Variants in MAD1L1 observed in about 807,000 individuals in gnomAD.
MAD1L1 encodes the protein mitotic spindle assembly checkpoint protein MAD1.
In MAD1L1, 95 loss-of-function variants were observed where a neutral mutation model predicts 96.9. That is an observed-to-expected ratio of 0.98 (90% CI 0.83 to 1.16). The LOEUF (loss-of-function observed/expected upper bound fraction) is 1.16, where lower values mean the gene tolerates loss of function less well. Ranked by LOEUF, MAD1L1 falls within the 50% of genes most tolerant of loss-of-function variation. MAD1L1 has a pLI of 0.00. For missense variants in MAD1L1, 1,007 were observed against 954.4 expected (o/e 1.06, Z -0.73); for synonymous variants, 473 against 396.6 (o/e 1.19, Z -2.29).
intron 10 of MAD1L1, among the ~76,000 whole-genome samples, chr7:2,196,296 C>A (rs1558458): frequency 6.6e-6 from 1 of 152,212 alleles, no homozygotes; most frequent in South Asian, 2.1e-4. Flanking sequence ...AGTGAAGACC[C>A]TCTTGAGAAC....
chr7:2,085,781 T>C (rs1204495838), intron 11 of MAD1L1, among the ~76,000 whole-genome samples: 4 of 152,202 alleles, frequency 2.6e-5, no homozygotes, highest in African/African-American at 4.8e-5. Flanking sequence ...CTATGAACGA[T>C]GACACGAGTG....
At chr7:1,823,979 G>C (rs571289902) in intron 18 of MAD1L1, among the ~76,000 whole-genome samples, 1 of 152,352 alleles carries the variant, frequency 6.6e-6, no homozygotes, top group African/African-American at 2.4e-5. Context: ...CTCGGGGGAA[G>C]TTATGCTGGG....
chr7:1,869,305 CCTCT>C (rs377472278), intron 18 of MAD1L1, among the ~76,000 whole-genome samples: 28 of 152,258 alleles, frequency 1.8e-4, no homozygotes, highest in African/African-American at 5.8e-4. Context: ...CTCCCAGAGG[CCTCT>C]CTGAGTTCCC....
chr7:2,165,973 G>C (rs915985278), intron 10 of MAD1L1, among the ~76,000 whole-genome samples: 5 of 152,210 alleles, frequency 3.3e-5, no homozygotes. Flanking sequence ...CTCTGCGAAA[G>C]AGGAAGTAAG....
At chr7:2,027,447 T>A in intron 12 of MAD1L1, among the ~76,000 whole-genome samples, 1 of 152,056 alleles carries the variant, frequency 6.6e-6, no homozygotes, top group East Asian at 1.9e-4. Context: ...AGATGCAAAA[T>A]CCCTAATTAA....
At chr7:2,121,928 C>T (rs958317480) in intron 11 of MAD1L1, among the ~76,000 whole-genome samples, 5 of 152,154 alleles carry the variant, frequency 3.3e-5, no homozygotes, top group African/African-American at 9.7e-5. Context: ...CCTGAGGGAC[C>T]GGCAAAGGCG....
chr7:2,096,057 G>C (rs1313993384), intron 11 of MAD1L1, among the ~76,000 whole-genome samples: 1 of 152,264 alleles, frequency 6.6e-6, no homozygotes, highest in African/African-American at 2.4e-5. Context: ...CGTAATGACA[G>C]CTCGCAGCCC....
At chr7:2,072,865 G>A (rs1785200533) in intron 11 of MAD1L1, among the ~76,000 whole-genome samples, 1 of 152,198 alleles carries the variant, frequency 6.6e-6, no homozygotes, top group Non-Finnish European at 1.5e-5. Flanking sequence ...TCCTGAGTGA[G>A]GGTGCGCTCA....
rs979443637 is a variant in MAD1L1, at chr7:2,114,140, G to A, written c.1073+35012C>T. On this transcript the variant is annotated intron_variant, in intron 11 of 18. Transcript: ENST00000265854. This position sits in a 1 kb window ranked among gnomAD's most constrained non-coding sequence, Gnocchi z 4.2. The stretch of plus-strand genomic sequence containing the variant: ...CGGGAAAGCTGGCGGAGGGTGCGTC[G>A]AAACATTCTCCACGACTTCTGCAAC... Among the ~76,000 whole-genome samples, 11 of 152,302 alleles carry A rather than the reference G, an allele frequency of 7.2e-5. No homozygotes were observed. Among genetic ancestry groups the A allele is most frequent in the Middle Eastern group, 3.4e-3 (1 of 294 alleles).
At chr7:1,931,267 A>G in intron 17 of MAD1L1, among the ~76,000 whole-genome samples, 1 of 152,154 alleles carries the variant, frequency 6.6e-6, no homozygotes, top group East Asian at 1.9e-4. Context: ...CACAGGAGCG[A>G]GGGCGCGTCG....
chr7:2,104,267 C>A (rs1263371714), intron 11 of MAD1L1, among the ~76,000 whole-genome samples: 1 of 152,206 alleles, frequency 6.6e-6, no homozygotes, highest in Non-Finnish European at 1.5e-5. Context: ...CTGCTCAGCC[C>A]GAGTGGCACT....
chr7:1,973,777 G>A (rs570141175), intron 15 of MAD1L1, among the ~76,000 whole-genome samples: 23 of 152,266 alleles, frequency 1.5e-4, no homozygotes, highest in African/African-American at 5.5e-4. Context: ...CCTCGGTGCT[G>A]GGTGAGGTGT....
intron 11 of MAD1L1, among the ~76,000 whole-genome samples, chr7:2,130,536 A>G (rs889019728): frequency 5.3e-5 from 8 of 152,196 alleles, no homozygotes; most frequent in African/African-American, 1.2e-4. Context: ...TGGGACCCCA[A>G]TGATTCCAAA....
At position 1,968,461 on chromosome 7, in the gene MAD1L1, A is replaced by G. The variant is rs1274960240; in HGVS notation, c.1506-10742T>C. ...GTCAACGCCAGCAGTCATGTCCACC[A>G]TCAATGCCTCAGTCCAGCGGTCAGG... On this transcript the variant is annotated intron_variant, in intron 15 of 18. Coordinates refer to ENST00000265854, the MANE Select transcript of MAD1L1 (RefSeq NM_001013836.2). This position sits in a 1 kb window ranked among gnomAD's most constrained non-coding sequence, Gnocchi z 5.6. 7.3e-6 allele frequency among the ~76,000 whole-genome samples: 1 copy of G among 137,182 alleles called. No homozygotes were observed. The highest frequency in any genetic ancestry group is 1.5e-5 in the Non-Finnish European group (1 of 64,664). 90.0% of individuals were successfully genotyped at this position (137,182 alleles called of 152,430 possible). A position where few individuals can be genotyped will look rare whatever the true frequency, so the allele number is the denominator to read the frequency against.
chr7:1,902,917 G>A (rs1787344446), intron 17 of MAD1L1, among the ~76,000 whole-genome samples: 1 of 151,590 alleles, frequency 6.6e-6, no homozygotes, highest in Non-Finnish European at 1.5e-5. Context: ...GCCTATGGAA[G>A]ACGTTCTTGT....
At chr7:2,130,660 G>A (rs758466371) in intron 11 of MAD1L1, among the ~76,000 whole-genome samples, 7 of 152,198 alleles carry the variant, frequency 4.6e-5, no homozygotes, top group African/African-American at 7.2e-5. Flanking sequence ...CCCGGAGGCC[G>A]AAGCTGGGAG....
chr7:2,128,022 T>C (rs1231332515), intron 11 of MAD1L1, among the ~76,000 whole-genome samples: 1 of 152,148 alleles, frequency 6.6e-6, no homozygotes, highest in Non-Finnish European at 1.5e-5. Flanking sequence ...GCCCTGACAC[T>C]GAGAGACATT....
intron 17 of MAD1L1, among the ~76,000 whole-genome samples, chr7:1,934,379 G>C (rs1425111081): frequency 6.6e-6 from 1 of 152,208 alleles, no homozygotes; most frequent in Non-Finnish European, 1.5e-5. Context: ...GAACAGACGG[G>C]CGAACCCGAG....
At chr7:2,141,646 A>T (rs761935332) in intron 11 of MAD1L1, among the ~76,000 whole-genome samples, 1 of 151,960 alleles carries the variant, frequency 6.6e-6, no homozygotes, top group Non-Finnish European at 1.5e-5. Flanking sequence ...TCTCCCTCTA[A>T]TTGGCCACAA....
Sources: gnomAD v4.1 joint callset for allele counts (sites outside exome capture counted in the v4.1 genomes callset) on GRCh38, gnomAD v4.1.1 for gene constraint, Gnocchi (gnomAD v3.1) non-coding constraint, MANE v1.5 for transcripts, NCBI Gene and HGNC (gene_info 2026-07-23, HGNC 2026-07-21) for gene names.